Variants in EGF observed in about 807,000 individuals in gnomAD.
EGF encodes the protein epidermal growth factor, also known as pro-epidermal growth factor.
EGF carries 95 observed loss-of-function variants against 143.8 expected under a neutral mutation model. The observed-to-expected ratio is 0.66, with a 90% confidence interval of 0.56 to 0.78. The LOEUF is 0.78. Among genes scored for constraint, EGF ranks in the 30% least tolerant of loss-of-function variants. The pLI is 0.00. For synonymous variants in EGF, 510 were observed against 510.5 expected (o/e 1.00, Z 0.01); for missense variants, 1,320 against 1,470.9 (o/e 0.90, Z 1.68).
intron 6 of EGF, among the ~76,000 whole-genome samples, chr4:109,960,658 G>A (rs867429479): frequency 4.6e-5 from 7 of 152,150 alleles, no homozygotes; most frequent in Admixed American, 6.6e-5. Context: ...GAAAACAAAA[G>A]CATAAAATGT....
chr4:109,989,373 C>T (rs1319660382), intron 18 of EGF, among the ~76,000 whole-genome samples: 3 of 152,162 alleles, frequency 2.0e-5, no homozygotes, highest in Non-Finnish European at 2.9e-5. Context: ...CTGCCTGAAG[C>T]CGTCTGAGGC....
chr4:109,943,153 A>G lies in EGF; in HGVS notation c.328-101A>G, dbSNP rs975275612. Reference sequence around the variant, plus strand: ...ACAATTTTGGAACTGCATAAAGATGACAAATACTTAAAAGAATAGACTTTT... The same window carrying G: ...ACAATTTTGGAACTGCATAAAGATGGCAAATACTTAAAAGAATAGACTTTT... On this transcript the variant is annotated intron_variant, in intron 2 of 23. Coordinates refer to ENST00000265171, the MANE Select transcript of EGF (RefSeq NM_001963.6). 1.4e-5 allele frequency: 12 copies of G among 848,412 alleles called. No homozygotes were observed. The Admixed American group carries it at 3.3e-4, about 23-fold the overall frequency. 52.6% of individuals were successfully genotyped at this position (848,412 alleles called of 1,614,324 possible).
chr4:110,008,742 A>T (rs1448951776), intron 23 of EGF, among the ~76,000 whole-genome samples: 1 of 152,232 alleles, frequency 6.6e-6, no homozygotes, highest in Non-Finnish European at 1.5e-5. Context: ...TGTGAAGTCC[A>T]GCCAAGCCAC....
chr4:110,001,594 A>G (rs1441070846), intron 21 of EGF: 6 of 984,748 alleles, frequency 6.1e-6, no homozygotes, highest in East Asian at 2.3e-4. Context: ...GTTTTTTCCT[A>G]TTTGTTGTGT....
At chr4:110,000,496 T>C (rs997296999) in intron 21 of EGF, among the ~76,000 whole-genome samples, 1 of 152,172 alleles carries the variant, frequency 6.6e-6, no homozygotes, top group Non-Finnish European at 1.5e-5. Flanking sequence ...CTGCCTTCCA[T>C]TGAGTTGATT....
chr4:109,964,016 A>C (rs1260535936), intron 9 of EGF, among the ~76,000 whole-genome samples: 1 of 152,220 alleles, frequency 6.6e-6, no homozygotes, highest in African/African-American at 2.4e-5. Flanking sequence ...GGCCAGGGAA[A>C]GTTACTTATT....
At chr4:109,951,381 C>A (rs1405340983) in intron 5 of EGF, among the ~76,000 whole-genome samples, 2 of 151,668 alleles carry the variant, frequency 1.3e-5, no homozygotes, top group Non-Finnish European at 2.9e-5. Context: ...CACAAAAAAA[C>A]CAAGTGAAAA....
At chr4:109,945,472 C>T (rs949474547) in intron 5 of EGF, among the ~76,000 whole-genome samples, 197 bp downstream of exon 5, 1 of 152,070 alleles carries the variant, frequency 6.6e-6, no homozygotes, top group African/African-American at 2.4e-5. Context: ...CATGGTGGCT[C>T]ACACTTGTAA....
chr4:109,977,197 C>A lies in EGF; in HGVS notation c.2053+962C>A, dbSNP rs551548205. On this transcript the variant is annotated intron_variant, in intron 13 of 23. Transcript: ENST00000265171. ...GAGAGCCAGGGAAGTGTTGAAGATG[C>A]TTTGGAGAGTTAGAAATTGGTTGGG... 8 of 152,198 alleles carry A rather than the reference C, an allele frequency of 5.3e-5. No individual in the cohort carries two copies. In the South Asian group the frequency reaches 1.7e-3, roughly 32 times the overall value. The allele number at this position is 152,198 out of a possible 1,614,324, so 9.4% of individuals were successfully genotyped here. A position where few individuals can be genotyped will look rare whatever the true frequency, so the allele number is the denominator to read the frequency against.
intron 1 of EGF, among the ~76,000 whole-genome samples, chr4:109,934,413 G>T (rs890405038): frequency 1.3e-5 from 2 of 151,982 alleles, no homozygotes; most frequent in South Asian, 2.1e-4. Flanking sequence ...GGGTTGTTTG[G>T]TTTTTTCTTG....
rs989202267 is a variant in EGF, at chr4:109,930,986, T to C, written c.128-9960T>C. 2.0e-5 allele frequency among the ~76,000 whole-genome samples: 3 copies of C among 152,226 alleles called. No individual in the cohort carries two copies. The East Asian group carries it at 5.8e-4, about 29-fold the overall frequency. ...GTTTGTGTTCCCTAGAAATGATGTT[T>C]CATTTTGTATGTACTTCCCCCCTTA... On this transcript the variant is annotated intron_variant, in intron 1 of 23. Transcript: ENST00000265171.
intron 20 of EGF, among the ~76,000 whole-genome samples, chr4:109,995,842 C>A (rs987163266): frequency 3.3e-5 from 5 of 152,096 alleles, no homozygotes; most frequent in Admixed American, 6.6e-5. Context: ...GAAGAGTAAG[C>A]TATATTCTGT....
intron 13 of EGF, among the ~76,000 whole-genome samples, chr4:109,978,345 T>C (rs1748824811): frequency 6.6e-6 from 1 of 152,236 alleles, no homozygotes; most frequent in Non-Finnish European, 1.5e-5. Flanking sequence ...ATGCAATTAA[T>C]TGTGGTTCTT....
intron 2 of EGF, among the ~76,000 whole-genome samples, chr4:109,941,633 C>T (rs989606678): frequency 1.3e-5 from 2 of 152,052 alleles, no homozygotes; most frequent in Non-Finnish European, 1.5e-5. Flanking sequence ...TGCAGAACAG[C>T]CCCAGAATAA....
In EGF at chr4:109,975,636, CAG is replaced by C. The variant is rs1417357076; in HGVS notation, c.1830-374_1830-373del. 2.0e-5 allele frequency among the ~76,000 whole-genome samples: 3 copies of C among 152,212 alleles called. No individual in the cohort carries two copies. The East Asian group carries it at 5.8e-4, about 29-fold the overall frequency. On this transcript the variant is annotated intron_variant, in intron 12 of 23. Coordinates refer to ENST00000265171, the MANE Select transcript of EGF (RefSeq NM_001963.6). ...TGCAGTGAATTTTACATATGCATAA[CAG>C]AAGAACAGGCGAGCAAGATTTCATT...
At chr4:109,941,836 A>G (rs1741984888) in intron 2 of EGF, among the ~76,000 whole-genome samples, 2 of 152,258 alleles carry the variant, frequency 1.3e-5, no homozygotes, top group Admixed American at 6.5e-5. Flanking sequence ...CTTCATGTAC[A>G]TACAAAAGAT....
At chr4:110,002,658 T>G (rs1016274813) in intron 21 of EGF, among the ~76,000 whole-genome samples, 1 of 151,002 alleles carries the variant, frequency 6.6e-6, no homozygotes. Context: ...TTTTTGTGGG[T>G]TTTTTTTTAA....
At chr4:109,959,852 G>A (rs1560692561) in intron 6 of EGF, among the ~76,000 whole-genome samples, 1 of 152,158 alleles carries the variant, frequency 6.6e-6, no homozygotes, top group Non-Finnish European at 1.5e-5. Context: ...AGAAGATCTA[G>A]TAGGAAGCCT....
At chr4:109,931,380 G>T (rs961000543) in intron 1 of EGF, among the ~76,000 whole-genome samples, 2 of 152,134 alleles carry the variant, frequency 1.3e-5, no homozygotes, top group Non-Finnish European at 1.5e-5. Context: ...AAAAATAAAC[G>T]GTGCTTTGAG....
Sources: allele counts gnomAD v4.1 joint callset (sites outside exome capture counted in the v4.1 genomes callset), GRCh38; gene constraint gnomAD v4.1.1; transcripts MANE v1.5; gene names NCBI Gene and HGNC (gene_info 2026-07-23, HGNC 2026-07-21).